The following TBC1D5 variants were observed in gnomAD, a reference collection of about 807,000 sequenced individuals.
TBC1D5 encodes the protein TBC1 domain family, member 5.
TBC1D5 carries 75 observed loss-of-function variants against 100.3 expected under a neutral mutation model. That is an observed-to-expected ratio of 0.75 (90% CI 0.62 to 0.91). The LOEUF (loss-of-function observed/expected upper bound fraction) is 0.91. Among genes scored for constraint, TBC1D5 ranks in the 40% least tolerant of loss-of-function variants. The pLI is 0.00. For synonymous variants in TBC1D5, 323 were observed against 325.6 expected (o/e 0.99, Z 0.09); for missense variants, 910 against 942.4 (o/e 0.97, Z 0.45).
At chr3:17,645,505 T>A (rs1301175187) in intron 1 of TBC1D5, among the ~76,000 whole-genome samples, 4 of 152,122 alleles carry the variant, frequency 2.6e-5, no homozygotes, top group Non-Finnish European at 5.9e-5. Flanking sequence ...ATCCAGACAT[T>A]ACTAGAATTG....
intron 3 of TBC1D5, among the ~76,000 whole-genome samples, chr3:17,474,615 T>C (rs2095416711): frequency 2.0e-5 from 3 of 152,146 alleles, no homozygotes; most frequent in Admixed American, 2.0e-4. Context: ...AGAAGATATA[T>C]TTAGACAGTT....
chr3:17,587,679 T>G (rs1288172976), intron 2 of TBC1D5, among the ~76,000 whole-genome samples: 2 of 152,040 alleles, frequency 1.3e-5, no homozygotes, highest in Admixed American at 6.5e-5. Context: ...TATTTTAACT[T>G]TCAATCTAAT....
chr3:17,701,670 A>G (rs2073222688), intron 1 of TBC1D5, among the ~76,000 whole-genome samples: 1 of 152,060 alleles, frequency 6.6e-6, no homozygotes, highest in Admixed American at 6.6e-5. Flanking sequence ...TATGAACAGT[A>G]TCCAAATAAA....
intron 1 of TBC1D5, among the ~76,000 whole-genome samples, chr3:17,640,056 G>A (rs1380954179): frequency 6.6e-6 from 1 of 152,088 alleles, no homozygotes; most frequent in Non-Finnish European, 1.5e-5. Flanking sequence ...CACCTCTACA[G>A]AGAAAAGACA....
intron 19 of TBC1D5, among the ~76,000 whole-genome samples, chr3:17,176,109 A>C (rs2067695936): frequency 6.6e-6 from 1 of 152,224 alleles, no homozygotes; most frequent in African/African-American, 2.4e-5. Context: ...GCTGGGACTG[A>C]ATCCTGCCTG....
At chr3:17,383,882 A>C (rs747860235) in intron 9 of TBC1D5, 31 bp downstream of exon 9, 52 of 1,547,794 alleles carry the variant, frequency 3.4e-5, no homozygotes, top group Admixed American at 1.2e-4. Flanking sequence ...TTTTGAGTCA[A>C]TGGATGCCAC....
Position 17,243,259 on chromosome 3 carries a change from T to C in TBC1D5, c.1332-4840A>G, listed in dbSNP as rs563023733. Among the ~76,000 whole-genome samples the C allele has an allele frequency of 4.6e-5, 7 of 152,350 alleles. No homozygotes were observed. In the South Asian group the frequency reaches 1.4e-3, roughly 32 times the overall value. On this transcript the variant is annotated intron_variant, in intron 16 of 21. Transcript: ENST00000253692. Reference sequence around the variant, plus strand: ...ATTTTATGATATTTTAGGTACTTTTTAGATTGAAAATTATACTATTTTGTG... The same window carrying C: ...ATTTTATGATATTTTAGGTACTTTTCAGATTGAAAATTATACTATTTTGTG...
intron 3 of TBC1D5, among the ~76,000 whole-genome samples, chr3:17,508,179 C>G (rs959352268): frequency 6.6e-6 from 1 of 152,090 alleles, no homozygotes; most frequent in African/African-American, 2.4e-5. Flanking sequence ...TCGACCAAGG[C>G]CCTTTCGCAT....
At chr3:17,401,052 T>C (rs1381181612) in intron 8 of TBC1D5, among the ~76,000 whole-genome samples, 2 of 152,060 alleles carry the variant, frequency 1.3e-5, no homozygotes, top group Non-Finnish European at 2.9e-5. Flanking sequence ...CTCCCCTTTA[T>C]ATATACATCT....
intron 1 of TBC1D5, among the ~76,000 whole-genome samples, chr3:17,640,279 T>G (rs2064369750): frequency 1.3e-5 from 2 of 152,084 alleles, no homozygotes; most frequent in Admixed American, 1.3e-4. Flanking sequence ...AAAAATCAAC[T>G]TAAGAGAAAA....
chr3:17,255,125 G>C (rs1404022847), intron 16 of TBC1D5, among the ~76,000 whole-genome samples: 4 of 152,188 alleles, frequency 2.6e-5, no homozygotes, highest in Non-Finnish European at 4.4e-5. Context: ...GAAGTGTGGG[G>C]TTGGGGCTGT....
intron 2 of TBC1D5, among the ~76,000 whole-genome samples, chr3:17,533,094 C>T (rs1198568906): frequency 6.6e-6 from 1 of 151,678 alleles, no homozygotes; most frequent in African/African-American, 2.4e-5. Flanking sequence ...CACACACACA[C>T]ACACACACAC....
intron 1 of TBC1D5, among the ~76,000 whole-genome samples, chr3:17,636,215 GA>G (rs970045085): frequency 5.9e-5 from 9 of 151,530 alleles, no homozygotes; most frequent in African/African-American, 1.9e-4. Context: ...TTTCAGATGG[GA>G]AAAAAAACAG....
At chr3:17,511,998 G>A (rs2095914252) in intron 2 of TBC1D5, among the ~76,000 whole-genome samples, 1 of 151,874 alleles carries the variant, frequency 6.6e-6, no homozygotes, top group Non-Finnish European at 1.5e-5. Flanking sequence ...AGAAGTTGCT[G>A]CTTTCATTTT....
chr3:17,654,199 T>C (rs960200519), intron 1 of TBC1D5, among the ~76,000 whole-genome samples: 4 of 152,192 alleles, frequency 2.6e-5, no homozygotes, highest in East Asian at 1.9e-4. Flanking sequence ...AAATTTACTA[T>C]TAAAATGAGA....
chr3:17,590,439 T>C (rs879348845), intron 2 of TBC1D5, among the ~76,000 whole-genome samples: 4 of 152,184 alleles, frequency 2.6e-5, no homozygotes, highest in Non-Finnish European at 5.9e-5. Flanking sequence ...TGATCTCCCT[T>C]GGTTTAATGT....
chr3:17,429,952 G>C (rs1464589687), intron 3 of TBC1D5, among the ~76,000 whole-genome samples: 1 of 128,754 alleles, frequency 7.8e-6, no homozygotes, highest in Non-Finnish European at 1.8e-5. Flanking sequence ...TCCTAAAATG[G>C]ATTACAACAC....
At chr3:17,678,267 G>A (rs2068911198) in intron 1 of TBC1D5, among the ~76,000 whole-genome samples, 1 of 152,118 alleles carries the variant, frequency 6.6e-6, no homozygotes, top group South Asian at 2.1e-4. Flanking sequence ...GTATGTAGGA[G>A]GTGAAGTAAG....
chr3:17,401,584 T>A (rs1051341730), intron 8 of TBC1D5, among the ~76,000 whole-genome samples: 29 of 152,028 alleles, frequency 1.9e-4, no homozygotes, highest in African/African-American at 6.5e-4. Context: ...ATTTTCCCCC[T>A]TTCTTGTTTG....
Sources: allele counts gnomAD v4.1 joint callset (sites outside exome capture counted in the v4.1 genomes callset), GRCh38; gene constraint gnomAD v4.1.1; transcripts MANE v1.5; gene names NCBI Gene and HGNC (gene_info 2026-07-23, HGNC 2026-07-21).